The following BCLAF3 variants were observed in gnomAD, a reference collection of about 807,000 sequenced individuals.
BCLAF3 encodes the protein transient octamer binding factor 1.
BCLAF3 carries 24 observed loss-of-function variants against 51.2 expected under a neutral mutation model. The ratio of observed to expected loss-of-function variants is 0.47; its 90% CI spans 0.34 to 0.66. The LOEUF is 0.66. Ranked by LOEUF, BCLAF3 falls within the 30% of genes least tolerant of loss-of-function variation. BCLAF3 has a pLI of 0.01. For missense variants in BCLAF3, 465 were observed against 525.1 expected, an observed-to-expected ratio of 0.89 and a Z score of 1.12; for synonymous variants, 152 against 176.6, an observed-to-expected ratio of 0.86 and a Z score of 1.10.
intron 7 of BCLAF3, among the ~76,000 whole-genome samples, chrX:19,951,221 TAAGTC>T (rs1402001722): frequency 9.0e-6 from 1 of 111,027 alleles, no homozygotes; most frequent in East Asian, 2.8e-4. Flanking sequence ...ATGGTAAACT[TAAGTC>T]AAAAGAATAA....
At chrX:19,927,889 T>C (rs1368388470) in intron 11 of BCLAF3, among the ~76,000 whole-genome samples, 1 of 108,144 alleles carries the variant, frequency 9.2e-6, no homozygotes, top group Non-Finnish European at 1.9e-5. Flanking sequence ...TTCTTTCTTT[T>C]TTTTTTTAAT....
intron 4 of BCLAF3, among the ~76,000 whole-genome samples, chrX:19,958,224 G>A (rs1331296489): frequency 9.0e-6 from 1 of 111,644 alleles, no homozygotes; most frequent in Non-Finnish European, 1.9e-5. Flanking sequence ...AGCGTTGTGG[G>A]TAATAACCAA....
intron 11 of BCLAF3, among the ~76,000 whole-genome samples, chrX:19,921,859 TG>T (rs1217165344): frequency 9.4e-6 from 1 of 106,521 alleles, no homozygotes; most frequent in Non-Finnish European, 1.9e-5. Flanking sequence ...AAAAATTAGC[TG>T]GGCATGGTAG....
intron 11 of BCLAF3, chrX:19,923,175 G>A (rs2070231179): frequency 8.9e-6 from 1 of 112,247 alleles, no homozygotes; most frequent in South Asian, 3.6e-4. Flanking sequence ...CAAGAAGGTA[G>A]ATAACTTTTC....
chrX:19,936,172 G>A (rs900171520), intron 9 of BCLAF3, among the ~76,000 whole-genome samples: 41 of 111,634 alleles, frequency 3.7e-4, no homozygotes, highest in Non-Finnish European at 4.9e-4. Context: ...AACATAATGG[G>A]TGAATCTGAG....
At chrX:19,963,790 G>C (rs913310255) in intron 4 of BCLAF3, among the ~76,000 whole-genome samples, 2 of 111,291 alleles carry the variant, frequency 1.8e-5, no homozygotes, top group Non-Finnish European at 3.8e-5. Context: ...GAGGCGAGAG[G>C]ATCATTTGAG....
chrX:19,969,099 C>T (rs772209333), intron 2 of BCLAF3, among the ~76,000 whole-genome samples: 1 of 111,204 alleles, frequency 9.0e-6, no homozygotes, highest in Non-Finnish European at 1.9e-5. Flanking sequence ...GGCGACAGAG[C>T]GAGATTCCAT....
chrX:19,966,874 C>T (rs997965638), intron 2 of BCLAF3, among the ~76,000 whole-genome samples: 27 of 111,342 alleles, frequency 2.4e-4, no homozygotes, highest in African/African-American at 8.8e-4. Flanking sequence ...AGGTATTCCA[C>T]GTGCTTATCC....
At chrX:19,978,348 A>G (rs756137633) in intron 1 of BCLAF3, among the ~76,000 whole-genome samples, 1 of 112,077 alleles carries the variant, frequency 8.9e-6, no homozygotes, top group Non-Finnish European at 1.9e-5. Context: ...AAATATCAGT[A>G]TTAACAGGGG....
At chrX:19,957,181 G>A (rs1233420564) in intron 4 of BCLAF3, among the ~76,000 whole-genome samples, 1 of 111,607 alleles carries the variant, frequency 9.0e-6, no homozygotes, top group Admixed American at 9.5e-5. Flanking sequence ...CTGTGGTTTC[G>A]TTGATTCATT....
Position 19,966,336 on chromosome X carries a change from C to G in BCLAF3, c.355G>C (p.Gly119Arg). 1 of 1,211,398 alleles carries G rather than the reference C, an allele frequency of 8.3e-7. No individual in the cohort carries two copies. Among genetic ancestry groups the G allele is most frequent in the Non-Finnish European group, 1.1e-6 (1 of 895,387 alleles). The change falls in exon 3 of 12, where the codon GGT becomes CGT. Residue 119 changes from glycine to arginine, a missense_variant. Coordinates refer to ENST00000379682, the MANE Select transcript of BCLAF3 (RefSeq NM_001367774.2). ...RAQYMPKYSE[G>R]IPYKEHERNS... ...CTTTCATGCTCTTTGTAGGGTATAC[C>G]CTCTGAGTATTTGGGCATATACTGA...
chrX:19,940,930 CTGT>C (rs1447487679), intron 8 of BCLAF3, among the ~76,000 whole-genome samples: 1 of 110,355 alleles, frequency 9.1e-6, no homozygotes, highest in Non-Finnish European at 1.9e-5. Flanking sequence ...TCTCCAGCAC[CTGT>C]TGTTTCCTGA....
At position 19,913,680 on chromosome X, in the gene BCLAF3, C is replaced by G. The variant is rs1205828627; in HGVS notation, c.*3625G>C. The G allele has an allele frequency of 9.0e-6, 1 of 111,190 alleles. No homozygotes were observed. The highest frequency in any genetic ancestry group is 1.9e-5 in the Non-Finnish European group (1 of 52,995). 9.2% of individuals were successfully genotyped at this position (111,190 alleles called of 1,213,427 possible). A position where few individuals can be genotyped will look rare whatever the true frequency, so the allele number is the denominator to read the frequency against. On this transcript the variant is annotated 3_prime_UTR_variant, in exon 12 of 12. Coordinates refer to ENST00000379682, the MANE Select transcript of BCLAF3 (RefSeq NM_001367774.2). The stretch of plus-strand genomic sequence containing the variant: ...CTGGTCTGGGACCACACTTTGAGAA[C>G]CACTGTATTAAGGTCAAGGAAAAAA...
At chrX:19,975,516 G>C (rs1283062496) in intron 1 of BCLAF3, among the ~76,000 whole-genome samples, 2 of 110,654 alleles carry the variant, frequency 1.8e-5, no homozygotes, top group African/African-American at 6.6e-5. Flanking sequence ...ACTAATCTTT[G>C]TACTTTCAGT....
intron 1 of BCLAF3, among the ~76,000 whole-genome samples, chrX:19,975,067 G>A (rs2072379978): frequency 9.0e-6 from 1 of 111,218 alleles, no homozygotes; most frequent in African/African-American, 3.3e-5. Context: ...CCACTGAAAT[G>A]CACACTTTAA....
At chrX:19,967,627 G>A (rs992220292) in intron 2 of BCLAF3, among the ~76,000 whole-genome samples, 4 of 111,321 alleles carry the variant, frequency 3.6e-5, no homozygotes, top group African/African-American at 1.3e-4. Flanking sequence ...TTTGCACCTG[G>A]GGACCTTTCC....
At chrX:19,971,708 A>G (rs1182763162) in intron 1 of BCLAF3, among the ~76,000 whole-genome samples, 1 of 111,800 alleles carries the variant, frequency 8.9e-6, no homozygotes, top group Non-Finnish European at 1.9e-5. Flanking sequence ...AGTGGTCCCA[A>G]ACCCCTGGTG....
chrX:19,943,580 G>A (rs1271879448), intron 8 of BCLAF3, among the ~76,000 whole-genome samples: 21 of 96,998 alleles, frequency 2.2e-4, no homozygotes, highest in African/African-American at 7.3e-4. Context: ...GTAGTTGAGC[G>A]GCTTTGAGTG....
chrX:19,982,336 G>A (rs1195033461), intron 1 of BCLAF3, among the ~76,000 whole-genome samples: 3 of 110,554 alleles, frequency 2.7e-5, no homozygotes, highest in South Asian at 3.8e-4. Context: ...TCACAGAAAC[G>A]CACCAAGTCA....
Sources: gnomAD v4.1 joint callset for allele counts (sites outside exome capture counted in the v4.1 genomes callset) on GRCh38, gnomAD v4.1.1 for gene constraint, MANE v1.5 for transcripts, NCBI Gene and HGNC (gene_info 2026-07-23, HGNC 2026-07-21) for gene names.